UBTD2: variants seen among roughly 807,000 people sequenced by gnomAD.
UBTD2 encodes the protein ubiquitin domain-containing protein 2.
UBTD2 carries 9 observed loss-of-function variants against 19.8 expected under a neutral mutation model. The observed-to-expected ratio is 0.46, with a 90% CI of 0.27 to 0.79. The LOEUF (loss-of-function observed/expected upper bound fraction) is 0.79, where lower values mean the gene tolerates loss of function less well. Ranked by LOEUF, UBTD2 falls within the 30% of genes least tolerant of loss-of-function variation. The probability of loss-of-function intolerance (pLI) is 0.14; values close to 1 mark genes in which losing one functional copy is unlikely to be tolerated. For missense variants in UBTD2, 250 were observed against 300.4 expected (o/e 0.83, Z 1.24); for synonymous variants, 98 against 103.9 (o/e 0.94, Z 0.35).
rs375557667 is a variant in UBTD2, at chr5:172,241,135, C to G, written c.71-6777G>C. ...ACACACATAAATCAAGGATGCTGGC[C>G]GGGCACGGTGGCTCACACCTGTAAT... On this transcript the variant is annotated intron_variant, in intron 1 of 2. Coordinates refer to ENST00000393792, the MANE Select transcript of UBTD2 (RefSeq NM_152277.3). Among the ~76,000 whole-genome samples, 580 of 151,536 alleles carry G rather than the reference C, an allele frequency of 3.8e-3. 3 individuals carry two copies. Among genetic ancestry groups the G allele is most frequent in the African/African-American group, 0.013 (533 of 41,320 alleles).
intron 1 of UBTD2, among the ~76,000 whole-genome samples, chr5:172,269,730 A>C (rs1755446533): frequency 1.4e-5 from 2 of 139,234 alleles, no homozygotes; most frequent in African/African-American, 5.6e-5. Context: ...AAACATATAC[A>C]TGTGCATGTA....
chr5:172,283,500 C>G lies in UBTD2; in HGVS notation c.70+96G>C. On this transcript the variant is annotated intron_variant, in intron 1 of 2. Coordinates refer to ENST00000393792, the MANE Select transcript of UBTD2 (RefSeq NM_152277.3). This position sits in a 1 kb window ranked among gnomAD's most constrained non-coding sequence, Gnocchi z 4.3. ...CGTGGAAGAGGGGATGACAAAGGGG[C>G]GCGGGGGCCCGGCGCGGCCCGCGGG... The G allele has an allele frequency of 2.0e-6, 2 of 979,574 alleles. No individual in the cohort carries two copies. The highest frequency in any genetic ancestry group is 4.5e-5 in the South Asian group (1 of 22,242). 60.7% of individuals were successfully genotyped at this position (979,574 alleles called of 1,614,324 possible).
chr5:172,256,911 T>TC (rs1315985518), intron 1 of UBTD2, among the ~76,000 whole-genome samples: 1 of 152,134 alleles, frequency 6.6e-6, no homozygotes, highest in Non-Finnish European at 1.5e-5. Flanking sequence ...ACAGCGAGAC[T>TC]CCATCTCAAA....
chr5:172,269,050 G>A (rs1305848388), intron 1 of UBTD2, among the ~76,000 whole-genome samples: 20 of 151,622 alleles, frequency 1.3e-4, no homozygotes, highest in African/African-American at 4.1e-4. Context: ...AAACAGTTAA[G>A]TGCAAAAAAA....
At chr5:172,253,196 T>C (rs890265468) in intron 1 of UBTD2, among the ~76,000 whole-genome samples, 2 of 151,730 alleles carry the variant, frequency 1.3e-5, no homozygotes, top group African/African-American at 4.8e-5. Context: ...TGCCTGGCCA[T>C]TTACTATTTT....
intron 1 of UBTD2, among the ~76,000 whole-genome samples, chr5:172,248,963 A>T (rs1346777324): frequency 6.6e-6 from 1 of 151,908 alleles, no homozygotes; most frequent in Non-Finnish European, 1.5e-5. Context: ...TAGAGCAGAG[A>T]TAAATAAAAC....
intron 2 of UBTD2, among the ~76,000 whole-genome samples, chr5:172,233,451 G>A (rs946359768): frequency 6.6e-6 from 1 of 152,104 alleles, no homozygotes; most frequent in South Asian, 2.1e-4. Flanking sequence ...TCTCATCAAG[G>A]AGACCAAACA....
At chr5:172,225,084 GT>G (rs1205657836) in intron 2 of UBTD2, among the ~76,000 whole-genome samples, 55 of 146,938 alleles carry the variant, frequency 3.7e-4, no homozygotes, top group Middle Eastern at 3.6e-3. Flanking sequence ...GGAAGGACAG[GT>G]TTTTTTTTTT....
At chr5:172,281,547 C>T (rs1352059484) in intron 1 of UBTD2, among the ~76,000 whole-genome samples, 1 of 152,146 alleles carries the variant, frequency 6.6e-6, no homozygotes, top group Non-Finnish European at 1.5e-5. Flanking sequence ...AACTCACTAC[C>T]ACAGTATGTT....
rs1016088358 is a variant in UBTD2 at position 172,209,990 on chromosome 5, G to A, written c.*1840C>T. The A allele has an allele frequency of 6.6e-6, 1 of 152,180 alleles. No homozygotes were observed. Among genetic ancestry groups the A allele is most frequent in the South Asian group, 2.1e-4 (1 of 4,812 alleles). 9.4% of individuals were successfully genotyped at this position (152,180 alleles called of 1,614,324 possible). Reference sequence around the variant, plus strand: ...CAAACTTTGAGAAGTGCTGCTATTCGATGTGGCACACAAATGAACAAAAAC... The same window carrying A: ...CAAACTTTGAGAAGTGCTGCTATTCAATGTGGCACACAAATGAACAAAAAC... On this transcript the variant is annotated 3_prime_UTR_variant, in exon 3 of 3. Transcript: ENST00000393792.
At chr5:172,212,477 T>C (rs1217810801) in intron 2 of UBTD2, among the ~76,000 whole-genome samples, 2 of 152,180 alleles carry the variant, frequency 1.3e-5, no homozygotes, top group Non-Finnish European at 2.9e-5. Context: ...CACAATTTCA[T>C]TAAAATGGCA....
intron 1 of UBTD2, among the ~76,000 whole-genome samples, chr5:172,241,493 C>A (rs1772126079): frequency 6.7e-6 from 1 of 149,162 alleles, no homozygotes; most frequent in African/African-American, 2.5e-5. Context: ...CAGAATGAGA[C>A]AGAATAAAAC....
intron 1 of UBTD2, among the ~76,000 whole-genome samples, chr5:172,249,362 G>A (rs1306088078): frequency 1.6e-5 from 2 of 128,350 alleles, no homozygotes; most frequent in African/African-American, 5.9e-5. Flanking sequence ...TTGCACCACT[G>A]CACTCCAGCC....
chr5:172,220,357 C>T (rs995537537), intron 2 of UBTD2, among the ~76,000 whole-genome samples: 4 of 152,176 alleles, frequency 2.6e-5, no homozygotes, highest in Admixed American at 1.3e-4. Context: ...TATAGCTGGC[C>T]GGGCACGGTG....
chr5:172,211,995 C>T lies in UBTD2; in HGVS notation c.540G>A (p.Arg180=). The change falls in exon 3 of 3, where the codon CGG becomes CGA. Residue 180 remains arginine, a synonymous_variant. Transcript: ENST00000393792. The stretch of plus-strand genomic sequence containing the variant: ...GTTCCACTCCCTCTGCTGCATGCAA[C>T]CGTCTCTTCATGTGGAATACTGTGT... The part of the protein sequence containing the change: ...STDTVFHMKR[R]LHAAEGVEPG... The T allele has an allele frequency of 6.2e-7, 1 of 1,614,226 alleles. No homozygotes were observed. The highest frequency in any genetic ancestry group is 1.1e-5 in the South Asian group (1 of 91,086).
chr5:172,262,897 G>GT (rs1433732396), intron 1 of UBTD2, among the ~76,000 whole-genome samples: 1 of 152,110 alleles, frequency 6.6e-6, no homozygotes. Context: ...AAAGCTATTA[G>GT]TAACTTCAAT....
intron 1 of UBTD2, among the ~76,000 whole-genome samples, chr5:172,275,540 T>C (rs1755590714): frequency 6.6e-6 from 1 of 152,226 alleles, no homozygotes; most frequent in Non-Finnish European, 1.5e-5. Context: ...CTACTTACTA[T>C]GTGTCAGGCC....
chr5:172,241,490 A>G (rs1323809332), intron 1 of UBTD2, among the ~76,000 whole-genome samples: 3 of 151,804 alleles, frequency 2.0e-5, no homozygotes, highest in African/African-American at 7.2e-5. Context: ...ATGCAGAATG[A>G]GACAGAATAA....
intron 1 of UBTD2, among the ~76,000 whole-genome samples, chr5:172,238,895 T>C (rs902958826): frequency 1.3e-5 from 2 of 152,182 alleles, no homozygotes; most frequent in African/African-American, 4.8e-5. Context: ...GGTTGAAAAC[T>C]GGAAGCATCA....
Sources: allele counts gnomAD v4.1 joint callset (sites outside exome capture counted in the v4.1 genomes callset), GRCh38; gene constraint gnomAD v4.1.1; non-coding constraint Gnocchi (gnomAD v3.1); transcripts MANE v1.5; gene names NCBI Gene and HGNC (gene_info 2026-07-23, HGNC 2026-07-21).